Variants in TBC1D30 observed in about 807,000 individuals in gnomAD.
TBC1D30 encodes TBC1 domain family member 30.
In TBC1D30, 31 loss-of-function variants were observed where a neutral mutation model predicts 63.2. The observed-to-expected ratio is 0.49, with a 90% CI of 0.37 to 0.66. TBC1D30 has a LOEUF of 0.66. TBC1D30 is among the 30% of genes least tolerant of loss of function. The pLI, the probability that TBC1D30 is intolerant of heterozygous loss-of-function variation, is 0.00. For synonymous variants in TBC1D30, 307 were observed against 361.5 expected (o/e 0.85, Z 1.71); for missense variants, 810 against 953.6 (o/e 0.85, Z 1.98).
chr12:64,776,584 A>G (rs1871088018), upstream of TBC1D30, among the ~76,000 whole-genome samples: 1 of 152,220 alleles, frequency 6.6e-6, no homozygotes, highest in Non-Finnish European at 1.5e-5. Flanking sequence ...TGAACAGACC[A>G]ATAATGAGTT....
intron 2 of TBC1D30, chr12:64,787,259 A>C (rs1345678514): frequency 2.0e-6 from 1 of 496,768 alleles, no homozygotes; most frequent in Non-Finnish European, 2.6e-6. Context: ...ACTAGGTATA[A>C]AACCTTGTGA....
intron 1 of TBC1D30, chr12:64,781,377 G>A (rs1871278522): frequency 9.9e-7 from 1 of 1,010,678 alleles, no homozygotes; most frequent in Non-Finnish European, 1.2e-6. Context: ...CACCTGGGCT[G>A]CTCGGCGGAG....
At chr12:64,779,307 A>G (rs998707940), upstream of TBC1D30, 2 of 152,202 alleles carry the variant, frequency 1.3e-5, no homozygotes, top group African/African-American at 4.8e-5. Flanking sequence ...ACAACAGGGA[A>G]AAAGACCTCA....
intron 2 of TBC1D30, among the ~76,000 whole-genome samples, chr12:64,795,510 T>G (rs1397169819): frequency 1.3e-5 from 2 of 152,192 alleles, no homozygotes; most frequent in African/African-American, 4.8e-5. Flanking sequence ...CTCAACAGCC[T>G]TCTCCCCATA....
intron 1 of TBC1D30, among the ~76,000 whole-genome samples, chr12:64,782,563 G>T (rs1416788178): frequency 6.6e-6 from 1 of 152,134 alleles, no homozygotes; most frequent in Non-Finnish European, 1.5e-5. Flanking sequence ...GACTCCAACA[G>T]AATCAATTTT....
intron 8 of TBC1D30, among the ~76,000 whole-genome samples, chr12:64,849,036 C>G (rs1207542484): frequency 6.6e-6 from 1 of 152,102 alleles, no homozygotes; most frequent in African/African-American, 2.4e-5. Flanking sequence ...TGATGATGAG[C>G]TTTCTTTCAT....
chr12:64,878,248 AT>A lies in TBC1D30; in HGVS notation c.*2463del. 3.1e-6 allele frequency: 1 copy of A among 327,672 alleles called. No individual in the cohort carries two copies. The highest frequency in any genetic ancestry group is 2.6e-5 in the South Asian group (1 of 38,638). The allele number at this position is 327,672 out of a possible 1,614,324, so 20.3% of individuals were successfully genotyped here. On this transcript the variant is annotated 3_prime_UTR_variant, in exon 12 of 12. Coordinates refer to ENST00000539867, the MANE Select transcript of TBC1D30 (RefSeq NM_015279.2). ...AAGTAATCACAATGTGAATTGGTCA[AT>A]TTATGAGCCTTGCCTACTTTAGAAA... is the stretch of plus-strand genomic sequence containing the variant.
chr12:64,868,942 ATGT>A (rs1162585712), intron 10 of TBC1D30, among the ~76,000 whole-genome samples: 1 of 152,022 alleles, frequency 6.6e-6, no homozygotes, highest in Non-Finnish European at 1.5e-5. Context: ...TCCCCTTAAA[ATGT>A]TGTGCTCTGA....
At chr12:64,867,284 T>C (rs1878301148) in intron 10 of TBC1D30, among the ~76,000 whole-genome samples, 1 of 151,998 alleles carries the variant, frequency 6.6e-6, no homozygotes, top group African/African-American at 2.4e-5. Flanking sequence ...GCCAATATGG[T>C]GAAACCCCGT....
intron 2 of TBC1D30, among the ~76,000 whole-genome samples, chr12:64,787,764 GGCGGCTCAC>G (rs1259967602): frequency 3.3e-5 from 5 of 152,248 alleles, no homozygotes; most frequent in African/African-American, 7.2e-5. Context: ...GGCCGGGCAT[GGCGGCTCAC>G]GCCTATAATC....
At chr12:64,871,538 C>G (rs148679401) in intron 11 of TBC1D30, among the ~76,000 whole-genome samples, 1 of 152,166 alleles carries the variant, frequency 6.6e-6, no homozygotes, top group South Asian at 2.1e-4. Flanking sequence ...GAGCATGTGA[C>G]TGATCCTGCA....
upstream of TBC1D30, among the ~76,000 whole-genome samples, chr12:64,819,899 T>G (rs1873786914): frequency 6.6e-6 from 1 of 152,152 alleles, no homozygotes; most frequent in Non-Finnish European, 1.5e-5. Context: ...AGGTGCAAAA[T>G]GTCCCCATCT....
chr12:64,832,843 T>C (rs1289325333), intron 5 of TBC1D30, among the ~76,000 whole-genome samples: 1 of 152,218 alleles, frequency 6.6e-6, no homozygotes, highest in Non-Finnish European at 1.5e-5. Flanking sequence ...CCTTTTATAG[T>C]TCCTTGCCAT....
At position 64,832,435 on chromosome 12, in the gene TBC1D30, G is replaced by A. The variant is rs73325460; in HGVS notation, c.594+131G>A. The A allele has an allele frequency of 1.9e-4, 165 of 889,800 alleles. 3 individuals are homozygous for A. In the African/African-American group the frequency reaches 2.2e-3, roughly 12 times the overall value. The allele number at this position is 889,800 out of a possible 1,614,324, so 55.1% of individuals were successfully genotyped here. ...CACACCTTTGTAATGACCTATGATAGCATTTCCTCCAGGTTAGAGCCATGT... is the reference window on the plus strand; with the variant it reads ...CACACCTTTGTAATGACCTATGATAACATTTCCTCCAGGTTAGAGCCATGT... On this transcript the variant is annotated intron_variant, in intron 5 of 11. Transcript: ENST00000539867.
intron 2 of TBC1D30, among the ~76,000 whole-genome samples, chr12:64,817,604 T>A (rs1873624317): frequency 1.3e-5 from 2 of 152,208 alleles, no homozygotes; most frequent in African/African-American, 4.8e-5. Flanking sequence ...TATTGTTGAT[T>A]CCAATCTCTC....
chr12:64,865,597 C>T (rs900502357), intron 9 of TBC1D30, among the ~76,000 whole-genome samples: 7 of 151,908 alleles, frequency 4.6e-5, no homozygotes, highest in Non-Finnish European at 1.0e-4. Context: ...GGCTCACGCC[C>T]GTAATCCTAG....
At chr12:64,828,119 A>C (rs1027117108) in intron 2 of TBC1D30, among the ~76,000 whole-genome samples, 2 of 152,236 alleles carry the variant, frequency 1.3e-5, no homozygotes, top group African/African-American at 4.8e-5. Flanking sequence ...GAAAAATTTT[A>C]AAATGAATAA....
intron 7 of TBC1D30, 144 bp from the exon 8 acceptor site, chr12:64,843,236 C>A (rs1243749316): frequency 7.6e-6 from 5 of 656,962 alleles, no homozygotes; most frequent in Non-Finnish European, 1.3e-5. Flanking sequence ...CTCAAGCAAT[C>A]CTCCCGCCCC....
At chr12:64,791,786 A>G (rs1871942045) in intron 2 of TBC1D30, among the ~76,000 whole-genome samples, 1 of 151,764 alleles carries the variant, frequency 6.6e-6, no homozygotes, top group South Asian at 2.1e-4. Context: ...GTCTTGCTAT[A>G]CTACTCAGGC....
Sources: gnomAD v4.1 joint callset for allele counts (sites outside exome capture counted in the v4.1 genomes callset) on GRCh38, gnomAD v4.1.1 for gene constraint, MANE v1.5 for transcripts, NCBI Gene and HGNC (gene_info 2026-07-23, HGNC 2026-07-21) for gene names.